Variants in PCDHA10 observed in about 807,000 individuals in gnomAD.
PCDHA10 encodes protocadherin alpha 10.
PCDHA10 carries 45 observed loss-of-function variants against 61.2 expected under a neutral mutation model. The observed-to-expected ratio is 0.74, with a 90% CI of 0.58 to 0.94. PCDHA10 has a LOEUF of 0.94. PCDHA10 is among the 40% of genes least tolerant of loss of function. PCDHA10 has a pLI of 0.00. For synonymous variants in PCDHA10, 602 were observed against 548.8 expected (o/e 1.10, Z -1.35); for missense variants, 1,278 against 1,236.2 (o/e 1.03, Z -0.51).
intron 1 of PCDHA10, among the ~76,000 whole-genome samples, chr5:140,960,371 T>A (rs2095543916): frequency 6.6e-6 from 1 of 152,196 alleles, no homozygotes; most frequent in Non-Finnish European, 1.5e-5. Context: ...TGCCAACTCT[T>A]AAGTGCCAAG....
intron 1 of PCDHA10, chr5:140,863,190 G>A (rs782460122): frequency 1.3e-6 from 1 of 798,634 alleles, no homozygotes; most frequent in South Asian, 1.3e-5. Context: ...TCACCGTGGT[G>A]GCGTCGCTGG....
intron 1 of PCDHA10, among the ~76,000 whole-genome samples, chr5:140,921,264 T>C (rs2080129104): frequency 6.6e-6 from 1 of 152,210 alleles, no homozygotes; most frequent in Non-Finnish European, 1.5e-5. Flanking sequence ...CCTAGACTTT[T>C]ATACTTACTT....
chr5:140,884,123 C>A (rs1360744073), intron 1 of PCDHA10: 4 of 1,613,232 alleles, frequency 2.5e-6, no homozygotes, highest in Non-Finnish European at 3.4e-6. Context: ...GGTCGGCGCG[C>A]GCATCCCGTT....
At position 140,875,445 on chromosome 5, in the gene PCDHA10, C is replaced by G; in HGVS notation, c.2388+17009C>G. The G allele has an allele frequency of 2.5e-6, 4 of 1,582,278 alleles. No individual in the cohort carries two copies. The South Asian group carries it at 3.5e-5, about 14-fold the overall frequency. On this transcript the variant is annotated intron_variant, in intron 1 of 3. Transcript: ENST00000307360. Reference sequence around the variant, plus strand: ...CAAGCGATCCCTTAAAACTGATTGTCCCAACTCAGAGGCCCTCATTTTCTG... The same window carrying G: ...CAAGCGATCCCTTAAAACTGATTGTGCCAACTCAGAGGCCCTCATTTTCTG...
Position 140,967,464 on chromosome 5 carries a change from G to A in PCDHA10, c.2389-11485G>A, listed in dbSNP as rs781900904. The A allele has an allele frequency of 1.9e-6, 3 of 1,613,386 alleles. No individual in the cohort carries two copies. In the East Asian group the frequency reaches 6.7e-5, roughly 36 times the overall value. ...CTGGTTCTCACAGCCGTGGATGGGG[G>A]CATCCCAGCCCGCTCGGGTACGGCA... On this transcript the variant is annotated intron_variant, in intron 1 of 3. Coordinates refer to ENST00000307360, the MANE Select transcript of PCDHA10 (RefSeq NM_018901.4).
chr5:140,892,087 T>G (rs2063378040), intron 1 of PCDHA10, among the ~76,000 whole-genome samples: 1 of 152,226 alleles, frequency 6.6e-6, no homozygotes, highest in East Asian at 1.9e-4. Context: ...TAGTTTCCTC[T>G]CGAAACTTTC....
chr5:140,967,548 C>G (rs782750678), intron 1 of PCDHA10: 1 of 1,613,922 alleles, frequency 6.2e-7, no homozygotes, highest in Admixed American at 1.7e-5. Flanking sequence ...GACCAGTCCA[C>G]TTATCGCGTC....
chr5:140,967,641 T>C (rs2096165933), intron 1 of PCDHA10: 1 of 1,614,004 alleles, frequency 6.2e-7, no homozygotes, highest in East Asian at 2.2e-5. Context: ...AATGGTGAGC[T>C]CAGGTACTCC....
chr5:140,985,683 G>A (rs926848363), intron 3 of PCDHA10, among the ~76,000 whole-genome samples: 3 of 151,224 alleles, frequency 2.0e-5, no homozygotes, highest in African/African-American at 7.3e-5. Context: ...CCTGCCTTAC[G>A]CTAATCCTCG....
At chr5:140,976,208 A>G (rs2096706017) in intron 1 of PCDHA10, among the ~76,000 whole-genome samples, 1 of 152,202 alleles carries the variant, frequency 6.6e-6, no homozygotes, top group Non-Finnish European at 1.5e-5. Context: ...TCAGAAGTAA[A>G]AAAGAGAAAG....
intron 1 of PCDHA10, chr5:140,882,225 C>A (rs782533520): frequency 1.5e-5 from 23 of 1,559,462 alleles, no homozygotes; most frequent in Non-Finnish European, 1.8e-5. Flanking sequence ...TGAGGTAAGG[C>A]GTTGTATATA....
intron 1 of PCDHA10, among the ~76,000 whole-genome samples, chr5:140,974,338 A>G (rs1554235945): frequency 6.6e-6 from 1 of 152,212 alleles, no homozygotes; most frequent in Non-Finnish European, 1.5e-5. Flanking sequence ...CTAGCAGGCT[A>G]TGCATCCAGA....
chr5:140,944,136 G>A (rs536816208), intron 1 of PCDHA10, among the ~76,000 whole-genome samples: 3 of 152,136 alleles, frequency 2.0e-5, no homozygotes, highest in African/African-American at 7.2e-5. Context: ...AAAGGTTGAA[G>A]ATTAGAAGAG....
chr5:140,998,495 C>T (rs782386986), intron 3 of PCDHA10, among the ~76,000 whole-genome samples: 17 of 152,170 alleles, frequency 1.1e-4, no homozygotes, highest in Non-Finnish European at 1.9e-4. Context: ...TCTTTGAGAA[C>T]AGGGTACTTG....
At chr5:140,910,891 C>T (rs1273456408) in intron 1 of PCDHA10, among the ~76,000 whole-genome samples, 1 of 152,176 alleles carries the variant, frequency 6.6e-6, no homozygotes, top group Admixed American at 6.5e-5. Context: ...ATATCCATTC[C>T]TATGCCTGTC....
Position 140,940,419 on chromosome 5 carries a change from A to G in PCDHA10, c.2389-38530A>G, listed in dbSNP as rs890018340. Among the ~76,000 whole-genome samples, 3 of 152,002 alleles carry G rather than the reference A, an allele frequency of 2.0e-5. No homozygotes were observed. The East Asian group carries it at 5.8e-4, about 29-fold the overall frequency. ...GTTTTTCATTTTAAAAATTATAATT[A>G]TTACTGATCAAGTCTGCCATGATAT... On this transcript the variant is annotated intron_variant, in intron 1 of 3. Transcript: ENST00000307360.
At chr5:140,862,843 C>T (rs781903712) in intron 1 of PCDHA10, 3 of 572,390 alleles carry the variant, frequency 5.2e-6, no homozygotes, top group African/African-American at 2.0e-5. Flanking sequence ...GGGCATGCCG[C>T]CTCTGAGCAG....
At chr5:140,876,607 T>C in intron 1 of PCDHA10, 1 of 1,614,186 alleles carries the variant, frequency 6.2e-7, no homozygotes, top group Non-Finnish European at 8.5e-7. Flanking sequence ...GGATCGTGAC[T>C]CTGGAGCCAA....
rs561284006 is a variant in PCDHA10, at chr5:140,905,585, T to G, written c.2388+47149T>G. 2.0e-5 allele frequency among the ~76,000 whole-genome samples: 3 copies of G among 152,306 alleles called. No individual in the cohort carries two copies. The East Asian group carries it at 5.8e-4, about 29-fold the overall frequency. On this transcript the variant is annotated intron_variant, in intron 1 of 3. Coordinates refer to ENST00000307360, the MANE Select transcript of PCDHA10 (RefSeq NM_018901.4). ...AGTCATGTGAAGAATGATAATGATATTTTGCTGGGAATTGCATTGAATCTA... is the reference window on the plus strand; with the variant it reads ...AGTCATGTGAAGAATGATAATGATAGTTTGCTGGGAATTGCATTGAATCTA...
Sources: allele counts gnomAD v4.1 joint callset (sites outside exome capture counted in the v4.1 genomes callset), GRCh38; gene constraint gnomAD v4.1.1; transcripts MANE v1.5; gene names NCBI Gene and HGNC (gene_info 2026-07-23, HGNC 2026-07-21).